Variants in SOX5 observed in about 807,000 individuals in gnomAD.
SOX5 encodes the protein transcription factor SOX-5.
SOX5 carries 9 observed loss-of-function variants against 92.0 expected under a neutral mutation model. That is an observed-to-expected ratio of 0.10 (90% CI 0.06 to 0.17). The LOEUF (loss-of-function observed/expected upper bound fraction) is 0.17. Ranked by LOEUF, SOX5 falls within the 10% of genes least tolerant of loss-of-function variation. The pLI is 1.00. For missense variants in SOX5, 642 were observed against 944.5 expected (o/e 0.68, Z 4.20); for synonymous variants, 344 against 336.3 (o/e 1.02, Z -0.25).
chr12:23,543,439 T>C, intron 12 of SOX5, 55 bp from the exon 13 acceptor site: 1 of 1,334,822 alleles, frequency 7.5e-7, no homozygotes, highest in South Asian at 1.3e-5. Flanking sequence ...TCAGCTCTTT[T>C]CCTTGCATTC....
chr12:24,115,010 GT>G (rs1390379018), intron 4 of SOX5, among the ~76,000 whole-genome samples: 1 of 152,140 alleles, frequency 6.6e-6, no homozygotes, highest in East Asian at 1.9e-4. Flanking sequence ...GAAAATAGAT[GT>G]GATAAAAGTT....
intron 4 of SOX5, among the ~76,000 whole-genome samples, chr12:24,154,228 G>A (rs1231520123): frequency 6.6e-6 from 1 of 152,112 alleles, no homozygotes; most frequent in Non-Finnish European, 1.5e-5. Flanking sequence ...TGTGTTATCA[G>A]CCAATGGAAA....
At chr12:24,374,554 A>G (rs1957061810) in intron 1 of SOX5, among the ~76,000 whole-genome samples, 1 of 151,982 alleles carries the variant, frequency 6.6e-6, no homozygotes, top group African/African-American at 2.4e-5. Context: ...CACAAAACAG[A>G]GGAAGACTGA....
intron 1 of SOX5, among the ~76,000 whole-genome samples, chr12:23,901,838 A>G (rs1215477220): frequency 6.6e-6 from 1 of 152,200 alleles, no homozygotes; most frequent in Non-Finnish European, 1.5e-5. Context: ...ATTATGCCCT[A>G]CCTAGGTATA....
chr12:24,114,573 C>CAAAAAAAA (rs55913110), intron 4 of SOX5, among the ~76,000 whole-genome samples: 46 of 40,590 alleles, frequency 1.1e-3, no homozygotes, highest in East Asian at 2.3e-3. Flanking sequence ...CACCCCGTCA[C>CAAAAAAAA]AAAAAAAAAA....
intron 4 of SOX5, among the ~76,000 whole-genome samples, chr12:24,080,871 G>A (rs1308808426): frequency 6.6e-6 from 1 of 151,780 alleles, no homozygotes; most frequent in Non-Finnish European, 1.5e-5. Context: ...ACATCTCATT[G>A]GAATGGCTAA....
At chr12:23,909,121 A>G (rs565000527) in intron 1 of SOX5, among the ~76,000 whole-genome samples, 5 of 152,202 alleles carry the variant, frequency 3.3e-5, no homozygotes, top group Non-Finnish European at 5.9e-5. Context: ...AAGTATAAAC[A>G]CACAATAAGA....
At chr12:24,117,519 A>C (rs896295947) in intron 4 of SOX5, among the ~76,000 whole-genome samples, 1 of 152,214 alleles carries the variant, frequency 6.6e-6, no homozygotes, top group Non-Finnish European at 1.5e-5. Context: ...CTGCCCTCCC[A>C]TGTGCATTTC....
Position 23,927,460 on chromosome 12 carries a change from A to G in SOX5, c.38+22104T>C, listed in dbSNP as rs187521953. On this transcript the variant is annotated intron_variant, in intron 1 of 14. Coordinates refer to ENST00000451604, the MANE Select transcript of SOX5 (RefSeq NM_006940.6). Reference sequence around the variant, plus strand: ...TCGCTTTATATACACACATACATACATATGGACATACATATAGGCAGGGCT... The same window carrying G: ...TCGCTTTATATACACACATACATACGTATGGACATACATATAGGCAGGGCT... Among the ~76,000 whole-genome samples, 304 of 152,176 alleles carry G rather than the reference A, an allele frequency of 2.0e-3. 3 individuals are homozygous for G. The highest frequency in any genetic ancestry group is 6.9e-3 in the African/African-American group (287 of 41,530).
chr12:24,547,765 A>G (rs1952787039), intron 1 of SOX5, among the ~76,000 whole-genome samples: 1 of 152,186 alleles, frequency 6.6e-6, no homozygotes, highest in South Asian at 2.1e-4. Flanking sequence ...TTATTTCTCT[A>G]TCACTATACT....
chr12:23,611,414 C>G (rs938045207), intron 8 of SOX5, among the ~76,000 whole-genome samples: 2 of 151,064 alleles, frequency 1.3e-5, no homozygotes, highest in Non-Finnish European at 3.0e-5. Context: ...ATATATCTCA[C>G]ATTTTCTGTA....
chr12:24,089,026 G>T (rs1001595863), intron 4 of SOX5, among the ~76,000 whole-genome samples: 2 of 151,940 alleles, frequency 1.3e-5, no homozygotes, highest in Non-Finnish European at 2.9e-5. Context: ...TCGTTAAAGA[G>T]AATTTAGATA....
At chr12:23,680,311 G>A (rs1209132559) in intron 6 of SOX5, among the ~76,000 whole-genome samples, 5 of 125,478 alleles carry the variant, frequency 4.0e-5, no homozygotes, top group African/African-American at 8.9e-5. Context: ...GGGTGACAGA[G>A]TGAGACCTTG....
At chr12:24,279,243 C>T (rs1944877733) in intron 2 of SOX5, among the ~76,000 whole-genome samples, 1 of 151,978 alleles carries the variant, frequency 6.6e-6, no homozygotes, top group South Asian at 2.1e-4. Context: ...AAAAACATTT[C>T]CTACCTATAT....
intron 1 of SOX5, among the ~76,000 whole-genome samples, chr12:23,945,155 A>G (rs1011827159): frequency 6.6e-6 from 1 of 152,148 alleles, no homozygotes; most frequent in African/African-American, 2.4e-5. Flanking sequence ...TGCTTTCTAA[A>G]TGCATTAGGA....
At chr12:23,722,039 A>G (rs892514066) in intron 6 of SOX5, among the ~76,000 whole-genome samples, 1 of 152,224 alleles carries the variant, frequency 6.6e-6, no homozygotes, top group Non-Finnish European at 1.5e-5. Flanking sequence ...AAAAAATACA[A>G]AATTGTGTGA....
chr12:23,983,298 G>A (rs1350591729), intron 4 of SOX5, among the ~76,000 whole-genome samples: 1 of 152,090 alleles, frequency 6.6e-6, no homozygotes, highest in Non-Finnish European at 1.5e-5. Context: ...ACCTTCCTGA[G>A]TGATTCTCCA....
intron 1 of SOX5, among the ~76,000 whole-genome samples, chr12:24,428,045 G>T (rs890828103): frequency 6.7e-6 from 1 of 149,758 alleles, no homozygotes; most frequent in African/African-American, 2.4e-5. Flanking sequence ...CTGCATTCCA[G>T]ATTTTTTTTG....
At chr12:24,146,737 G>GAA (rs71059979) in intron 4 of SOX5, among the ~76,000 whole-genome samples, 2 of 119,420 alleles carry the variant, frequency 1.7e-5, no homozygotes, top group African/African-American at 3.1e-5. Flanking sequence ...TGGTCAGGAG[G>GAA]AAAAAAAAAA....
Sources: gnomAD v4.1 joint callset for allele counts (sites outside exome capture counted in the v4.1 genomes callset) on GRCh38, gnomAD v4.1.1 for gene constraint, MANE v1.5 for transcripts, NCBI Gene and HGNC (gene_info 2026-07-23, HGNC 2026-07-21) for gene names.